Variants in ERBIN observed in about 807,000 individuals in gnomAD.
ERBIN encodes the protein densin-180-like protein.
In ERBIN, 60 loss-of-function variants were observed where a neutral mutation model predicts 158.4. The observed-to-expected ratio is 0.38, with a 90% CI of 0.31 to 0.47. ERBIN has a LOEUF of 0.47. Among genes scored for constraint, ERBIN ranks in the 20% least tolerant of loss-of-function variants. The pLI is 0.99. For synonymous variants in ERBIN, 594 were observed against 557.2 expected, an observed-to-expected ratio of 1.07 and a Z score of -0.93; for missense variants, 1,610 against 1,648.0, an observed-to-expected ratio of 0.98 and a Z score of 0.40.
At chr5:66,075,796 G>GTTATA (rs1327219146) in intron 23 of ERBIN, among the ~76,000 whole-genome samples, 1 of 151,664 alleles carries the variant, frequency 6.6e-6, no homozygotes, top group Non-Finnish European at 1.5e-5. Flanking sequence ...TTTTAGCTTG[G>GTTATA]TTATAAAAAC....
At chr5:65,957,188 A>G (rs1405988093) in intron 1 of ERBIN, among the ~76,000 whole-genome samples, 1 of 151,624 alleles carries the variant, frequency 6.6e-6, no homozygotes, top group East Asian at 1.9e-4. Context: ...GGATGGTTCA[A>G]TGTAGGATTT....
chr5:66,045,304 T>C (rs1440027559), intron 17 of ERBIN, among the ~76,000 whole-genome samples: 1 of 152,132 alleles, frequency 6.6e-6, no homozygotes, highest in Non-Finnish European at 1.5e-5. Context: ...TCAGATATGT[T>C]TGCATACACA....
intron 1 of ERBIN, among the ~76,000 whole-genome samples, chr5:65,965,347 A>G (rs993256356): frequency 3.6e-5 from 5 of 139,858 alleles, no homozygotes; most frequent in African/African-American, 8.1e-5. Flanking sequence ...CTCCAGATCT[A>G]TGACAGGCTG....
In ERBIN at chr5:66,048,741, T is replaced by C. The variant is rs1561423258; in HGVS notation, c.1863T>C (p.Ile621=). 6.2e-7 allele frequency: 1 copy of C among 1,607,792 alleles called. No homozygotes were observed. Among genetic ancestry groups the C allele is most frequent in the Admixed American group, 1.7e-5 (1 of 59,618 alleles). Residue 621 remains isoleucine (I), a synonymous_variant, in exon 19 of 26, where the codon ATT becomes ATC. Transcript: ENST00000284037. ...GACCACCATTAATTGAAACCTCTAT[T>C]AACCAGCCAAAAGTCGTAGCACTTA... ...EMRPPLIETS[I]NQPKVVALSN...
In ERBIN at chr5:66,076,856, A is replaced by AT. The variant is rs749445149; in HGVS notation, c.4057-11dup. 3.5e-5 allele frequency: 55 copies of AT among 1,570,710 alleles called. No individual in the cohort carries two copies. The highest frequency in any genetic ancestry group is 1.8e-4 in the Middle Eastern group (1 of 5,674). On this transcript the variant is annotated intron_variant, in intron 24 of 25. Coordinates refer to ENST00000284037, the MANE Select transcript of ERBIN (RefSeq NM_001253697.2). ...TATACATACTGTTTTTAGTTAAATA[A>AT]TTTTTTTTGTTGTTAAAGGGTATAT...
intron 22 of ERBIN, 93 bp downstream of exon 22, chr5:66,072,384 A>T (rs1253504013): frequency 7.7e-7 from 1 of 1,292,284 alleles, no homozygotes; most frequent in African/African-American, 1.5e-5. Flanking sequence ...AGATGAAAAT[A>T]CTTTTTTGAG....
chr5:65,971,735 C>G (rs1405783003), intron 1 of ERBIN, among the ~76,000 whole-genome samples: 1 of 152,146 alleles, frequency 6.6e-6, no homozygotes, highest in African/African-American at 2.4e-5. Context: ...TAGATTATGG[C>G]TTCAGATGTT....
rs556375731 is a variant in ERBIN, at chr5:65,959,934, A to T, written c.-57-28701A>T. On this transcript the variant is annotated intron_variant, in intron 1 of 25. Transcript: ENST00000284037. ...CGTTGGAGTTAACTGGAACCTTCAA[A>T]AAGTGTTGATACCTGTTTCTTTTAA... Among the ~76,000 whole-genome samples the T allele has an allele frequency of 2.0e-5, 3 of 152,358 alleles. No homozygotes were observed. In the East Asian group the frequency reaches 5.8e-4, roughly 29 times the overall value.
At chr5:66,028,625 A>G (rs1365613925) in intron 14 of ERBIN, among the ~76,000 whole-genome samples, 1 of 152,188 alleles carries the variant, frequency 6.6e-6, no homozygotes, top group Non-Finnish European at 1.5e-5. Flanking sequence ...ATTTAATAGC[A>G]TTATCTCATA....
chr5:66,052,566 A>G (rs1313789451), intron 20 of ERBIN, among the ~76,000 whole-genome samples: 1 of 152,180 alleles, frequency 6.6e-6, no homozygotes, highest in Non-Finnish European at 1.5e-5. Context: ...ATATAATGAA[A>G]TAAAGCCTAA....
chr5:65,986,943 G>A (rs1751295662), intron 1 of ERBIN, among the ~76,000 whole-genome samples: 1 of 152,010 alleles, frequency 6.6e-6, no homozygotes, highest in Admixed American at 6.6e-5. Flanking sequence ...CTTATTTATT[G>A]GCTGGTTATT....
intron 1 of ERBIN, among the ~76,000 whole-genome samples, chr5:65,951,809 C>T (rs1746530168): frequency 6.6e-6 from 1 of 152,100 alleles, no homozygotes; most frequent in African/African-American, 2.4e-5. Flanking sequence ...TTCATTAATA[C>T]CAAATTCATA....
At chr5:66,018,160 C>T (rs1319590219) in intron 7 of ERBIN, among the ~76,000 whole-genome samples, 2 of 151,318 alleles carry the variant, frequency 1.3e-5, no homozygotes, top group African/African-American at 2.4e-5. Context: ...TATTTGGAGT[C>T]TTTTGTTGTG....
chr5:66,074,987 T>A, intron 22 of ERBIN, 37 bp from the exon 23 acceptor site: 1 of 1,571,582 alleles, frequency 6.4e-7, no homozygotes, highest in Non-Finnish European at 8.8e-7. Flanking sequence ...TAAGACATTA[T>A]TATTGGTCAT....
intron 7 of ERBIN, among the ~76,000 whole-genome samples, chr5:66,018,269 TGTC>T (rs1440416509): frequency 6.7e-6 from 1 of 149,316 alleles, no homozygotes; most frequent in Admixed American, 6.9e-5. Context: ...TGGATAGTAT[TGTC>T]GTTTTAATTA....
At chr5:66,047,769 G>A (rs1758590876) in intron 18 of ERBIN, among the ~76,000 whole-genome samples, 1 of 151,966 alleles carries the variant, frequency 6.6e-6, no homozygotes, top group Non-Finnish European at 1.5e-5. Context: ...ATACGCTATG[G>A]TATGCACTGA....
intron 4 of ERBIN, among the ~76,000 whole-genome samples, chr5:66,007,988 T>C (rs1338344811): frequency 6.6e-6 from 1 of 152,200 alleles, no homozygotes; most frequent in Non-Finnish European, 1.5e-5. Flanking sequence ...GTTTCAAAAC[T>C]GTTTGCTTAG....
At chr5:66,045,719 A>G (rs979004905) in intron 17 of ERBIN, among the ~76,000 whole-genome samples, 2 of 152,224 alleles carry the variant, frequency 1.3e-5, no homozygotes, top group East Asian at 3.8e-4. Flanking sequence ...AGAATGTCCA[A>G]TTGACAGTGT....
chr5:65,998,418 G>A (rs1379690801), intron 4 of ERBIN, among the ~76,000 whole-genome samples: 4 of 151,678 alleles, frequency 2.6e-5, no homozygotes, highest in Non-Finnish European at 5.9e-5. Context: ...GGTTAGTGCC[G>A]TACTGACGTT....
Sources: gnomAD v4.1 joint callset for allele counts (sites outside exome capture counted in the v4.1 genomes callset) on GRCh38, gnomAD v4.1.1 for gene constraint, MANE v1.5 for transcripts, NCBI Gene and HGNC (gene_info 2026-07-23, HGNC 2026-07-21) for gene names.